PRR16: variants seen among roughly 807,000 people sequenced by gnomAD.
PRR16 encodes protein Largen.
In PRR16, 6 loss-of-function variants were observed where a neutral mutation model predicts 18.2. The observed-to-expected ratio is 0.33, with a 90% CI of 0.18 to 0.65. The LOEUF is 0.65. Among genes scored for constraint, PRR16 ranks in the 30% least tolerant of loss-of-function variants. The pLI is 0.74. For missense variants in PRR16, 412 were observed against 376.6 expected (o/e 1.09, Z -0.78); for synonymous variants, 151 against 147.8 (o/e 1.02, Z -0.16).
the PRR16 span, among the ~76,000 whole-genome samples, chr5:120,778,348 A>T: frequency 6.6e-6 from 1 of 152,264 alleles, no homozygotes. Context: ...TTCAAGAAAC[A>T]CCATTCTATT....
At chr5:120,651,580 C>G (rs1196802561) in intron 1 of PRR16, among the ~76,000 whole-genome samples, 1 of 152,068 alleles carries the variant, frequency 6.6e-6, no homozygotes, top group South Asian at 2.1e-4. Context: ...ATTTATTAAA[C>G]AGGGAATCAT....
At chr5:120,743,354 C>G in the PRR16 span, among the ~76,000 whole-genome samples, 5 of 151,014 alleles carry the variant, frequency 3.3e-5, no homozygotes, top group African/African-American at 1.2e-4. Flanking sequence ...TCAAGAAAGT[C>G]TCACCACTGG....
At chr5:120,754,340 A>ATATATGT in the PRR16 span, among the ~76,000 whole-genome samples, 1 of 68,646 alleles carries the variant, frequency 1.5e-5, no homozygotes, top group Admixed American at 2.4e-4. Context: ...TTATATATAA[A>ATATATGT]TATATGTTAT....
At chr5:120,789,586 A>T in the PRR16 span, among the ~76,000 whole-genome samples, 1 of 152,118 alleles carries the variant, frequency 6.6e-6, no homozygotes, top group African/African-American at 2.4e-5. Context: ...TTATTATTTC[A>T]AATGAAAGAT....
At chr5:120,543,249 CT>C (rs1288081749) in intron 1 of PRR16, among the ~76,000 whole-genome samples, 1 of 152,048 alleles carries the variant, frequency 6.6e-6, no homozygotes, top group Admixed American at 6.6e-5. Flanking sequence ...CGGATGAAAA[CT>C]TGCTTAAAAC....
At chr5:120,476,081 C>A (rs941747497) in intron 1 of PRR16, among the ~76,000 whole-genome samples, 1 of 152,130 alleles carries the variant, frequency 6.6e-6, no homozygotes, top group Non-Finnish European at 1.5e-5. Flanking sequence ...GTTTTAATAG[C>A]CCTAGAGCTA....
chr5:120,523,399 A>T (rs1199974459), intron 1 of PRR16, among the ~76,000 whole-genome samples: 5 of 152,200 alleles, frequency 3.3e-5, no homozygotes, highest in Non-Finnish European at 7.4e-5. Flanking sequence ...ATTTTTTACT[A>T]ATGAGGCAAG....
At chr5:120,683,477 G>C (rs977587794) in intron 1 of PRR16, among the ~76,000 whole-genome samples, 1 of 149,224 alleles carries the variant, frequency 6.7e-6, no homozygotes, top group African/African-American at 2.5e-5. Context: ...ACTCCAGCCT[G>C]GGCGACAGTG....
intron 1 of PRR16, among the ~76,000 whole-genome samples, chr5:120,467,020 G>A (rs1749126544): frequency 6.6e-6 from 1 of 152,122 alleles, no homozygotes. Context: ...AGTATTTATA[G>A]GGTATGTTTA....
the PRR16 span, among the ~76,000 whole-genome samples, chr5:120,738,844 A>T: frequency 6.6e-6 from 1 of 152,182 alleles, no homozygotes; most frequent in Non-Finnish European, 1.5e-5. Flanking sequence ...GAGCAGAGAG[A>T]CAGGGACACC....
chr5:120,494,350 T>C (rs1324472452), intron 1 of PRR16, among the ~76,000 whole-genome samples: 1 of 152,018 alleles, frequency 6.6e-6, no homozygotes, highest in Non-Finnish European at 1.5e-5. Flanking sequence ...ATGTCTTTTA[T>C]TTTTTTGTAG....
At chr5:120,717,716 C>T in the PRR16 span, among the ~76,000 whole-genome samples, 1 of 152,056 alleles carries the variant, frequency 6.6e-6, no homozygotes, top group African/African-American at 2.4e-5. Flanking sequence ...TAATATCCTC[C>T]CTCATCTGCG....
rs140609304 is a variant in PRR16, at chr5:120,493,656, T to A, written c.159+29011T>A. ...ACCATTGCCACAAGGATCTCTCCTATTGCCCTTTTACAGCTATACCCACTT... is the reference window on the plus strand; with the variant it reads ...ACCATTGCCACAAGGATCTCTCCTAATGCCCTTTTACAGCTATACCCACTT... On this transcript the variant is annotated intron_variant, in intron 1 of 1. Transcript: ENST00000407149. Among the ~76,000 whole-genome samples the A allele has an allele frequency of 2.0e-5, 3 of 152,284 alleles. No individual in the cohort carries two copies. In the East Asian group the frequency reaches 5.8e-4, roughly 29 times the overall value.
At chr5:120,522,660 C>T (rs886272996) in intron 1 of PRR16, among the ~76,000 whole-genome samples, 3 of 152,196 alleles carry the variant, frequency 2.0e-5, no homozygotes, top group African/African-American at 7.2e-5. Context: ...GGCTGGAGTG[C>T]AGTGGCACGA....
the PRR16 span, among the ~76,000 whole-genome samples, chr5:120,754,611 A>T: frequency 2.9e-5 from 2 of 69,976 alleles, no homozygotes; most frequent in African/African-American, 1.2e-4. Context: ...ATCGTTATAT[A>T]TTATTATATA....
At chr5:120,722,296 A>G in the PRR16 span, among the ~76,000 whole-genome samples, 652 of 152,174 alleles carry the variant, frequency 4.3e-3, 8 homozygotes, top group African/African-American at 0.015. Context: ...AGACTCTGAT[A>G]CTATCGTTCT....
chr5:120,652,712 A>G (rs190970700), intron 1 of PRR16, among the ~76,000 whole-genome samples: 89 of 152,172 alleles, frequency 5.8e-4, no homozygotes, highest in African/African-American at 2.0e-3. Context: ...CTAAGGAGAC[A>G]TGATACATAC....
intron 1 of PRR16, among the ~76,000 whole-genome samples, chr5:120,546,341 A>G (rs989392643): frequency 6.6e-6 from 1 of 152,098 alleles, no homozygotes; most frequent in Non-Finnish European, 1.5e-5. Context: ...AAATTTTTAT[A>G]AATCAAAATC....
intron 1 of PRR16, among the ~76,000 whole-genome samples, chr5:120,583,273 A>T (rs188171461): frequency 6.6e-6 from 1 of 151,998 alleles, no homozygotes; most frequent in African/African-American, 2.4e-5. Flanking sequence ...ATTTCACTGG[A>T]GGATTTTCAG....
Sources: gnomAD v4.1 joint callset for allele counts (sites outside exome capture counted in the v4.1 genomes callset) on GRCh38, gnomAD v4.1.1 for gene constraint, MANE v1.5 for transcripts, NCBI Gene and HGNC (gene_info 2026-07-23, HGNC 2026-07-21) for gene names.